Variants in ST8SIA1 observed in about 807,000 individuals in gnomAD.
ST8SIA1 encodes alpha-N-acetylneuraminide alpha-2,8-sialyltransferase.
A neutral mutation model predicts 35.9 loss-of-function variants in ST8SIA1; 16 were observed. That is an observed-to-expected ratio of 0.45 (90% confidence interval 0.30 to 0.68). The LOEUF (loss-of-function observed/expected upper bound fraction) is 0.68, where lower values mean the gene tolerates loss of function less well. ST8SIA1 is among the 30% of genes least tolerant of loss of function. The probability of loss-of-function intolerance (pLI) is 0.09; values close to 1 mark genes in which losing one functional copy is unlikely to be tolerated. For synonymous variants in ST8SIA1, 170 were observed against 169.6 expected, an observed-to-expected ratio of 1.00 and a Z score of -0.02; for missense variants, 383 against 453.6, an observed-to-expected ratio of 0.84 and a Z score of 1.41.
At chr12:22,232,084 T>C (rs1480361904) in intron 4 of ST8SIA1, among the ~76,000 whole-genome samples, 3 of 152,240 alleles carry the variant, frequency 2.0e-5, no homozygotes, top group East Asian at 1.9e-4. Flanking sequence ...CAGCCTCCCA[T>C]AGTGTCCCTC....
rs1408166800 is a variant in ST8SIA1, at chr12:22,334,284, G to A, written c.-52C>T. Reference sequence around the variant, plus strand: ...GGCCGGGGCCTCAGCACAAAGCTAGGCGAAGTGGCAGCGGAGGGTCCCCCA... The same window carrying A: ...GGCCGGGGCCTCAGCACAAAGCTAGACGAAGTGGCAGCGGAGGGTCCCCCA... On this transcript the variant is annotated 5_prime_UTR_variant, in exon 1 of 5. Transcript: ENST00000396037. 8 of 1,480,178 alleles carry A rather than the reference G, an allele frequency of 5.4e-6. No individual in the cohort carries two copies. Among genetic ancestry groups the A allele is most frequent in the Non-Finnish European group, 7.4e-6 (8 of 1,079,196 alleles). 91.7% of individuals were successfully genotyped at this position (1,480,178 alleles called of 1,614,324 possible).
intron 2 of ST8SIA1, among the ~76,000 whole-genome samples, chr12:22,273,944 G>GTACC (rs1865940647): frequency 6.6e-6 from 1 of 152,180 alleles, no homozygotes; most frequent in Admixed American, 6.5e-5. Flanking sequence ...CAAATGAAAG[G>GTACC]TACCTGGTGC....
chr12:22,230,778 G>A (rs543241642), intron 4 of ST8SIA1, among the ~76,000 whole-genome samples: 1 of 152,158 alleles, frequency 6.6e-6, no homozygotes, highest in Non-Finnish European at 1.5e-5. Context: ...ACAGGGCATT[G>A]CTGGGGGACG....
chr12:22,291,996 A>G (rs1333479218), intron 1 of ST8SIA1, among the ~76,000 whole-genome samples: 2 of 152,224 alleles, frequency 1.3e-5, no homozygotes, highest in Admixed American at 1.3e-4. Context: ...CAGAGTTGAG[A>G]TTAAATAAGT....
rs879285082 is a variant in ST8SIA1, at chr12:22,196,635, G to A, written c.*4917C>T. ...TCTCTAGGACTTTTAAAGAAGCTAT[G>A]TAGGAACTGGTAGAATATTTGATAT... On this transcript the variant is annotated 3_prime_UTR_variant, in exon 5 of 5. Coordinates refer to ENST00000396037, the MANE Select transcript of ST8SIA1 (RefSeq NM_003034.4). 5 of 152,162 alleles carry A rather than the reference G, an allele frequency of 3.3e-5. No individual in the cohort carries two copies. The highest frequency in any genetic ancestry group is 7.3e-5 in the Non-Finnish European group (5 of 68,036). The allele number at this position is 152,162 out of a possible 1,614,324, so 9.4% of individuals were successfully genotyped here.
At chr12:22,228,700 G>A (rs1484543797) in intron 4 of ST8SIA1, among the ~76,000 whole-genome samples, 1 of 152,174 alleles carries the variant, frequency 6.6e-6, no homozygotes, top group African/African-American at 2.4e-5. Flanking sequence ...AGTGACAAGT[G>A]ATACTGGCAT....
intron 2 of ST8SIA1, among the ~76,000 whole-genome samples, chr12:22,266,874 CA>C (rs1865855404): frequency 6.7e-6 from 1 of 149,568 alleles, no homozygotes; most frequent in Non-Finnish European, 1.5e-5. Context: ...CACACACACA[CA>C]CACACATATA....
chr12:22,277,581 G>C (rs994136028), intron 2 of ST8SIA1, among the ~76,000 whole-genome samples: 4 of 151,982 alleles, frequency 2.6e-5, no homozygotes, highest in Admixed American at 2.0e-4. Context: ...TGGCCAGGCT[G>C]GTCTCAAACT....
intron 3 of ST8SIA1, 92 bp from the exon 4 acceptor site, chr12:22,249,190 C>T: frequency 3.6e-6 from 3 of 829,666 alleles, no homozygotes; most frequent in Middle Eastern, 2.3e-4. Flanking sequence ...TTAATTCTAG[C>T]TGAATTCACG....
intron 1 of ST8SIA1, among the ~76,000 whole-genome samples, chr12:22,287,953 T>G (rs1349442162): frequency 6.6e-6 from 1 of 152,198 alleles, no homozygotes; most frequent in African/African-American, 2.4e-5. Context: ...CAGAAGTGTT[T>G]GACACCGTGA....
intron 1 of ST8SIA1, chr12:22,325,574 G>C (rs183394155): frequency 1.5e-6 from 1 of 675,584 alleles, no homozygotes; most frequent in Non-Finnish European, 2.7e-6. Context: ...GTTTCTTACT[G>C]ATTTAAGGAA....
At chr12:22,272,585 T>C (rs771980707) in intron 2 of ST8SIA1, among the ~76,000 whole-genome samples, 4 of 152,252 alleles carry the variant, frequency 2.6e-5, no homozygotes, top group Non-Finnish European at 5.9e-5. Context: ...CCAAGATAAA[T>C]TGAAAACTAA....
At chr12:22,316,259 T>G (rs1442986327) in intron 1 of ST8SIA1, among the ~76,000 whole-genome samples, 1 of 152,124 alleles carries the variant, frequency 6.6e-6, no homozygotes, top group Non-Finnish European at 1.5e-5. Flanking sequence ...CAGCATATAT[T>G]AAAATGTACT....
chr12:22,224,540 T>C lies in ST8SIA1; in HGVS notation c.585-22502A>G, dbSNP rs141436428. Among the ~76,000 whole-genome samples, 1,262 of 152,150 alleles carry C rather than the reference T, an allele frequency of 8.3e-3. 18 individuals are homozygous for C. Among genetic ancestry groups the C allele is most frequent in the African/African-American group, 0.029 (1,198 of 41,520 alleles). The stretch of plus-strand genomic sequence containing the variant: ...TTGGCCTCTCAAAGTGCTGGGATTA[T>C]AAGCATGAGCCACTGCGCCTGGCCT... On this transcript the variant is annotated intron_variant, in intron 4 of 4. Coordinates refer to ENST00000396037, the MANE Select transcript of ST8SIA1 (RefSeq NM_003034.4).
At chr12:22,299,406 AT>A (rs1866289946) in intron 1 of ST8SIA1, among the ~76,000 whole-genome samples, 1 of 152,152 alleles carries the variant, frequency 6.6e-6, no homozygotes, top group Non-Finnish European at 1.5e-5. Flanking sequence ...GGAATCTTAT[AT>A]AGTAAATTTA....
At chr12:22,207,232 AG>A (rs1446257454) in intron 4 of ST8SIA1, among the ~76,000 whole-genome samples, 1 of 152,236 alleles carries the variant, frequency 6.6e-6, no homozygotes, top group Non-Finnish European at 1.5e-5. Flanking sequence ...ACATGTGGAC[AG>A]GCTATCAATT....
At chr12:22,323,408 G>C (rs904280616) in intron 1 of ST8SIA1, among the ~76,000 whole-genome samples, 7 of 152,168 alleles carry the variant, frequency 4.6e-5, no homozygotes, top group Non-Finnish European at 1.0e-4. Flanking sequence ...CTGATGGAGG[G>C]AGTGTAAACT....
intron 4 of ST8SIA1, among the ~76,000 whole-genome samples, chr12:22,240,343 C>T (rs998610080): frequency 6.6e-6 from 1 of 152,166 alleles, no homozygotes; most frequent in African/African-American, 2.4e-5. Flanking sequence ...TATTGCCTCT[C>T]AGATACCAAC....
At chr12:22,307,245 G>A (rs1866396964) in intron 1 of ST8SIA1, among the ~76,000 whole-genome samples, 1 of 152,038 alleles carries the variant, frequency 6.6e-6, no homozygotes, top group Admixed American at 6.6e-5. Context: ...ACCAAGCGCT[G>A]GGCTTCATCA....
Sources: gnomAD v4.1 joint callset for allele counts (sites outside exome capture counted in the v4.1 genomes callset) on GRCh38, gnomAD v4.1.1 for gene constraint, MANE v1.5 for transcripts, NCBI Gene and HGNC (gene_info 2026-07-23, HGNC 2026-07-21) for gene names.